Variants in ZDHHC5 observed in about 807,000 individuals in gnomAD.
ZDHHC5 encodes palmitoyltransferase ZDHHC5.
A neutral mutation model predicts 70.0 loss-of-function variants in ZDHHC5; 22 were observed. The observed-to-expected ratio is 0.31, with a 90% CI of 0.22 to 0.45. The LOEUF (loss-of-function observed/expected upper bound fraction) is 0.45. Ranked by LOEUF, ZDHHC5 falls within the 20% of genes least tolerant of loss-of-function variation. The pLI, the probability that ZDHHC5 is intolerant of heterozygous loss-of-function variation, is 1.00. For synonymous variants in ZDHHC5, 313 were observed against 347.8 expected (o/e 0.90, Z 1.11); for missense variants, 746 against 926.9 (o/e 0.80, Z 2.53).
At position 57,670,305 on chromosome 11, in the gene ZDHHC5, C is replaced by G. The variant is rs1180054516; in HGVS notation, c.-1070-1716C>G. On this transcript the variant is annotated intron_variant, in intron 1 of 11. Coordinates refer to ENST00000287169, the MANE Select transcript of ZDHHC5 (RefSeq NM_015457.3). Reference sequence around the variant, plus strand: ...TGGGCAACATGGTGAAACCCCATCTCTACTAAAAATACAAAATTAGCTGGG... The same window carrying G: ...TGGGCAACATGGTGAAACCCCATCTGTACTAAAAATACAAAATTAGCTGGG... 3.9e-5 allele frequency among the ~76,000 whole-genome samples: 6 copies of G among 152,050 alleles called. No homozygotes were observed. The East Asian group carries it at 9.7e-4, about 24-fold the overall frequency.
chr11:57,680,274 G>T (rs532990005), intron 2 of ZDHHC5, among the ~76,000 whole-genome samples: 1 of 152,190 alleles, frequency 6.6e-6, no homozygotes, highest in Non-Finnish European at 1.5e-5. Context: ...CTACCCAGGA[G>T]GCTGGGGTGG....
chr11:57,682,771 A>G (rs1419294276), intron 3 of ZDHHC5, among the ~76,000 whole-genome samples: 1 of 152,222 alleles, frequency 6.6e-6, no homozygotes, highest in African/African-American at 2.4e-5. Context: ...AATATATGTC[A>G]TAACTTCTAG....
chr11:57,674,352 G>A (rs1364310358), intron 2 of ZDHHC5, among the ~76,000 whole-genome samples: 1 of 147,322 alleles, frequency 6.8e-6, no homozygotes, highest in Non-Finnish European at 1.5e-5. Flanking sequence ...TTGACCATCT[G>A]GAAGGCATCC....
chr11:57,689,021 C>G (rs1946247234), intron 4 of ZDHHC5, among the ~76,000 whole-genome samples: 1 of 152,178 alleles, frequency 6.6e-6, no homozygotes, highest in Non-Finnish European at 1.5e-5. Context: ...CAGGCATGAG[C>G]CATTGCACTA....
At position 57,701,097 on chromosome 11, in the gene ZDHHC5, C is replaced by A. The variant is rs1303164597; in HGVS notation, c.*1066C>A. The A allele has an allele frequency of 6.6e-6, 1 of 152,556 alleles. No homozygotes were observed. Among genetic ancestry groups the A allele is most frequent in the East Asian group, 1.9e-4 (1 of 5,194 alleles). The allele number at this position is 152,556 out of a possible 1,614,324, so 9.5% of individuals were successfully genotyped here. A position where few individuals can be genotyped will look rare whatever the true frequency, so the allele number is the denominator to read the frequency against. ...GTTCTAACCTCTAAATAGGGGAGAT[C>A]CCAGCCTCCACAAAGAGGCCCTTTT... is the stretch of plus-strand genomic sequence containing the variant. On this transcript the variant is annotated 3_prime_UTR_variant, in exon 12 of 12. Transcript: ENST00000287169.
intron 2 of ZDHHC5, among the ~76,000 whole-genome samples, chr11:57,675,360 G>A (rs183315699): frequency 4.6e-5 from 7 of 152,272 alleles, no homozygotes; most frequent in Admixed American, 3.3e-4. Flanking sequence ...GTGTTTGACT[G>A]GTTATACCAG....
chr11:57,690,648 C>A (rs994132876), intron 6 of ZDHHC5, among the ~76,000 whole-genome samples: 1 of 152,134 alleles, frequency 6.6e-6, no homozygotes, highest in Non-Finnish European at 1.5e-5. Flanking sequence ...CACATATACA[C>A]CATGGAATAC....
rs539246596 is a variant in ZDHHC5, at chr11:57,701,107, A to G, written c.*1076A>G. 48 of 152,744 alleles carry G rather than the reference A, an allele frequency of 3.1e-4. 1 individual carries two copies. The highest frequency in any genetic ancestry group is 1.1e-3 in the African/African-American group (46 of 41,574). 9.5% of individuals were successfully genotyped at this position (152,744 alleles called of 1,614,324 possible). On this transcript the variant is annotated 3_prime_UTR_variant, in exon 12 of 12. Transcript: ENST00000287169. ...CTAAATAGGGGAGATCCCAGCCTCC[A>G]CAAAGAGGCCCTTTTATTTTTTATT...
chr11:57,696,736 GC>G, intron 9 of ZDHHC5, 24 bp from the exon 10 acceptor site: 1 of 1,604,774 alleles, frequency 6.2e-7, no homozygotes, highest in Non-Finnish European at 8.5e-7. Flanking sequence ...GTAAAATAGT[GC>G]CCCCTTGGCC....
chr11:57,677,530 A>C (rs1946087785), intron 2 of ZDHHC5, among the ~76,000 whole-genome samples: 1 of 150,884 alleles, frequency 6.6e-6, no homozygotes, highest in Non-Finnish European at 1.5e-5. Flanking sequence ...CAGGTGATCC[A>C]CCCACCTCGG....
At chr11:57,683,147 A>T (rs180939150) in intron 3 of ZDHHC5, among the ~76,000 whole-genome samples, 4 of 152,320 alleles carry the variant, frequency 2.6e-5, no homozygotes, top group East Asian at 1.9e-4. Context: ...GGGCTAGAGG[A>T]TGTTATGCAT....
Position 57,688,633 on chromosome 11 carries a change from T to G in ZDHHC5, c.352T>G (p.Ser118Ala), listed in dbSNP as rs747499327. Residue 118 changes from serine to alanine, a missense_variant, in exon 4 of 12, where the codon TCC (serine) becomes GCC (alanine). Ser to Ala is a moderately conservative substitution (Grantham distance 99). Transcript: ENST00000287169. The stretch of plus-strand genomic sequence containing the variant: ...CCGCTTTTACCGTCCCCCTCGATGT[T>G]CCCACTGCAGTGTCTGTGACAACTG... ...TCRFYRPPRC[S>A]HCSVCDNCVE... The G allele has an allele frequency of 6.2e-7, 1 of 1,610,262 alleles. No individual in the cohort carries two copies. Among genetic ancestry groups the G allele is most frequent in the Non-Finnish European group, 8.5e-7 (1 of 1,178,326 alleles).
intron 3 of ZDHHC5, among the ~76,000 whole-genome samples, chr11:57,683,927 G>T (rs568171196): frequency 6.6e-6 from 1 of 151,216 alleles, no homozygotes; most frequent in Non-Finnish European, 1.5e-5. Flanking sequence ...AGCTCCAATA[G>T]TATGGAAACT....
chr11:57,699,159 C>T lies in ZDHHC5; in HGVS notation c.1723C>T (p.Pro575Ser). The T allele has an allele frequency of 6.2e-7, 1 of 1,614,276 alleles. No individual in the cohort carries two copies. Among genetic ancestry groups the T allele is most frequent in the Non-Finnish European group, 8.5e-7 (1 of 1,180,060 alleles). Reference sequence around the variant, plus strand: ...GGGGGACTCAGGCATTCAGTCAACACCAGGCTCGGGCCATGCCCCTCGTAC... The same window carrying T: ...GGGGGACTCAGGCATTCAGTCAACATCAGGCTCGGGCCATGCCCCTCGTAC... ...GLGDSGIQST[P>S]GSGHAPRTSS... The change falls in exon 11 of 12, where the codon CCA becomes TCA. Residue 575 changes from proline to serine, a missense_variant. By Grantham distance (74) the Pro-to-Ser change is moderately conservative. Around this residue, in one of 6 missense-constraint regions of ZDHHC5, gnomAD observed 340 missense variants for 350.1 expected, o/e 0.97. Transcript: ENST00000287169.
In ZDHHC5 at chr11:57,699,404, A is replaced by C. The variant is rs1292533410; in HGVS notation, c.1968A>C (p.Pro656=). The C allele has an allele frequency of 6.3e-7, 1 of 1,575,174 alleles. No homozygotes were observed. The highest frequency in any genetic ancestry group is 8.6e-7 in the Non-Finnish European group (1 of 1,160,968). The part of the protein sequence containing the change: ...VSETEEVALQ[P]LLTPKDEVQL... ...AGACAGAAGAAGTGGCCTTGCAGCC[A>C]TTACTGACACCCAAGTAAGTATTAG... The change falls in exon 11 of 12, where the codon CCA becomes CCC. Residue 656 remains proline (P), a synonymous_variant. Coordinates refer to ENST00000287169, the MANE Select transcript of ZDHHC5 (RefSeq NM_015457.3).
chr11:57,668,911 G>T (rs1945963357), intron 1 of ZDHHC5, among the ~76,000 whole-genome samples: 1 of 152,220 alleles, frequency 6.6e-6, no homozygotes, highest in Non-Finnish European at 1.5e-5. Context: ...AAGTAAGAAA[G>T]TTGCTAAAAG....
chr11:57,672,994 C>T lies in ZDHHC5; in HGVS notation c.-97C>T. 2 of 1,139,600 alleles carry T rather than the reference C, an allele frequency of 1.8e-6. No individual in the cohort carries two copies. Among genetic ancestry groups the T allele is most frequent in the Non-Finnish European group, 2.6e-6 (2 of 764,094 alleles). 70.6% of individuals were successfully genotyped at this position (1,139,600 alleles called of 1,614,324 possible). A position where few individuals can be genotyped will look rare whatever the true frequency, so the allele number is the denominator to read the frequency against. On this transcript the variant is annotated 5_prime_UTR_variant, in exon 2 of 12. Transcript: ENST00000287169. ...TGTTTCCCTGGTTTTCTTTTGTACT[C>T]CTCTCTGTTGCTTCCCTCCTCCCAT... is the stretch of plus-strand genomic sequence containing the variant.
intron 2 of ZDHHC5, among the ~76,000 whole-genome samples, 166 bp downstream of exon 2, chr11:57,673,360 C>T (rs952699083): frequency 6.6e-6 from 1 of 152,168 alleles, no homozygotes; most frequent in Non-Finnish European, 1.5e-5. Context: ...GAGAAAAAGC[C>T]TGTCCTTTCA....
intron 6 of ZDHHC5, among the ~76,000 whole-genome samples, chr11:57,691,968 A>G (rs1946290880): frequency 6.6e-6 from 1 of 152,088 alleles, no homozygotes; most frequent in Admixed American, 6.6e-5. Context: ...TGTGCATATA[A>G]TAGTAGCTAA....
Sources: allele counts gnomAD v4.1 joint callset (sites outside exome capture counted in the v4.1 genomes callset), GRCh38; gene constraint gnomAD v4.1.1; regional missense constraint gnomAD v4.1.1; transcripts MANE v1.5; gene names NCBI Gene and HGNC (gene_info 2026-07-23, HGNC 2026-07-21).